ANO3: variants seen among roughly 807,000 people sequenced by gnomAD.
ANO3 encodes anoctamin 3.
In ANO3, 99 loss-of-function variants were observed where a neutral mutation model predicts 144.8. That is an observed-to-expected ratio of 0.68 (90% CI 0.58 to 0.81). The LOEUF (loss-of-function observed/expected upper bound fraction) is 0.81, where lower values mean the gene tolerates loss of function less well. ANO3 is among the 30% of genes least tolerant of loss of function. The pLI is 0.00. For missense variants in ANO3, 905 were observed against 1,202.2 expected, an observed-to-expected ratio of 0.75 and a Z score of 3.66; for synonymous variants, 414 against 392.6, an observed-to-expected ratio of 1.05 and a Z score of -0.64.
At chr11:26,328,979 T>A (rs971852740), upstream of ANO3, among the ~76,000 whole-genome samples, 21 of 152,250 alleles carry the variant, frequency 1.4e-4, no homozygotes, top group African/African-American at 4.8e-4. Context: ...GAGTCAAGAC[T>A]GTACTGTGTA....
At chr11:26,321,979 T>C (rs1324894632) in intron 1 of ANO3, among the ~76,000 whole-genome samples, 1 of 152,084 alleles carries the variant, frequency 6.6e-6, no homozygotes, top group African/African-American at 2.4e-5. Flanking sequence ...ACAGTGTTCA[T>C]GGTTCCATTC....
chr11:26,554,114 T>C (rs1368849809), intron 13 of ANO3, among the ~76,000 whole-genome samples: 1 of 152,146 alleles, frequency 6.6e-6, no homozygotes. Flanking sequence ...CCCTGTGCTC[T>C]AGCAGCCACC....
intron 3 of ANO3, among the ~76,000 whole-genome samples, chr11:26,450,718 T>C (rs544902839): frequency 6.6e-6 from 1 of 152,302 alleles, no homozygotes; most frequent in African/African-American, 2.4e-5. Flanking sequence ...AGAATTGTAG[T>C]GAAAGCTGTT....
In ANO3 at chr11:26,601,874, T is replaced by G. The variant is rs372980843; in HGVS notation, c.1836+2160T>G. Among the ~76,000 whole-genome samples the G allele has an allele frequency of 5.3e-5, 8 of 152,158 alleles. No homozygotes were observed. The East Asian group carries it at 7.7e-4, about 15-fold the overall frequency. On this transcript the variant is annotated intron_variant, in intron 17 of 26. Coordinates refer to ENST00000256737, the MANE Select transcript of ANO3 (RefSeq NM_031418.4). ...AAATTGACTCATTTCTTATCGTAAG[T>G]AGGTTGGTTGACAAAAAAATTAATA...
At chr11:26,655,197 T>C (rs374009471) in intron 24 of ANO3, among the ~76,000 whole-genome samples, 1 of 152,242 alleles carries the variant, frequency 6.6e-6, no homozygotes, top group Non-Finnish European at 1.5e-5. Context: ...TGAGAAAACA[T>C]CCAGGCATTT....
intron 6 of ANO3, among the ~76,000 whole-genome samples, chr11:26,518,378 C>T (rs1861940648): frequency 6.6e-6 from 1 of 151,990 alleles, no homozygotes; most frequent in African/African-American, 2.4e-5. Context: ...CAAAACCATG[C>T]AGAATAAAAA....
At chr11:26,425,759 G>A (rs948234367) in intron 1 of ANO3, among the ~76,000 whole-genome samples, 4 of 152,238 alleles carry the variant, frequency 2.6e-5, no homozygotes, top group South Asian at 2.1e-4. Flanking sequence ...GGTGGTGGAA[G>A]TAAATGTATC....
In ANO3 at chr11:26,553,364, A is replaced by T. The variant is rs1849994639; in HGVS notation, c.1386+19A>T. ...TGCCAAGGTGAGTGTGGACCCTCACATTCTCCTCCCTGAGCTGTACTGAGA... is the reference window on the plus strand; with the variant it reads ...TGCCAAGGTGAGTGTGGACCCTCACTTTCTCCTCCCTGAGCTGTACTGAGA... On this transcript the variant is annotated intron_variant, in intron 13 of 26. Coordinates refer to ENST00000256737, the MANE Select transcript of ANO3 (RefSeq NM_031418.4). 1.3e-6 allele frequency: 2 copies of T among 1,546,546 alleles called. No homozygotes were observed. The highest frequency in any genetic ancestry group is 2.3e-5 in the South Asian group (2 of 88,378).
intron 1 of ANO3, among the ~76,000 whole-genome samples, chr11:26,286,950 A>AT (rs1385240158): frequency 6.6e-6 from 1 of 152,172 alleles, no homozygotes. Flanking sequence ...AGACATTCAG[A>AT]TTTTTGCAGG....
intron 11 of ANO3, among the ~76,000 whole-genome samples, chr11:26,544,271 T>TACACAC (rs1269843589): frequency 2.7e-5 from 2 of 74,686 alleles, no homozygotes; most frequent in East Asian, 1.2e-3. Context: ...TATATATATA[T>TACACAC]ATACACACAT....
intron 1 of ANO3, among the ~76,000 whole-genome samples, chr11:26,405,595 T>G (rs975560691): frequency 2.0e-5 from 3 of 151,868 alleles, no homozygotes; most frequent in Non-Finnish European, 2.9e-5. Context: ...ATGTCATGCA[T>G]AACTGATTAT....
At chr11:26,350,979 T>C (rs772972915) in intron 1 of ANO3, among the ~76,000 whole-genome samples, 1 of 152,192 alleles carries the variant, frequency 6.6e-6, no homozygotes, top group East Asian at 1.9e-4. Context: ...TTGCCTGATA[T>C]GTAGGGAGAA....
intron 1 of ANO3, among the ~76,000 whole-genome samples, chr11:26,292,687 G>T: frequency 6.6e-6 from 1 of 152,170 alleles, no homozygotes; most frequent in Non-Finnish European, 1.5e-5. Context: ...CTGCAGGTCT[G>T]TTGGAGTTTG....
intron 4 of ANO3, among the ~76,000 whole-genome samples, chr11:26,485,484 C>T (rs1200528994): frequency 6.6e-6 from 1 of 152,100 alleles, no homozygotes; most frequent in Non-Finnish European, 1.5e-5. Context: ...CTGAGGCCTC[C>T]CGAGCCACGC....
At chr11:26,486,446 A>G (rs1860456756) in intron 4 of ANO3, among the ~76,000 whole-genome samples, 1 of 151,684 alleles carries the variant, frequency 6.6e-6, no homozygotes, top group Non-Finnish European at 1.5e-5. Context: ...TATATTGGCT[A>G]TAGCCATGTT....
chr11:26,622,036 T>A (rs1852430618), intron 17 of ANO3, among the ~76,000 whole-genome samples: 1 of 152,164 alleles, frequency 6.6e-6, no homozygotes, highest in Non-Finnish European at 1.5e-5. Flanking sequence ...TATATTTAAA[T>A]CATTATTTAT....
At chr11:26,452,696 C>G (rs183626747) in intron 3 of ANO3, among the ~76,000 whole-genome samples, 2 of 152,232 alleles carry the variant, frequency 1.3e-5, no homozygotes, top group African/African-American at 4.8e-5. Flanking sequence ...TCTAGCAAGG[C>G]AGGCCAAAAT....
chr11:26,401,922 C>T (rs149962350), intron 1 of ANO3, among the ~76,000 whole-genome samples: 57 of 151,972 alleles, frequency 3.8e-4, no homozygotes, highest in East Asian at 1.9e-3. Context: ...AATTATGATC[C>T]GACAGTAACA....
At chr11:26,192,515 T>G (rs1851497691) in intron 1 of ANO3, among the ~76,000 whole-genome samples, 1 of 152,232 alleles carries the variant, frequency 6.6e-6, no homozygotes, top group Admixed American at 6.5e-5. Context: ...AAGTGTTCCA[T>G]TGTTATCAAA....
Sources: gnomAD v4.1 joint callset for allele counts (sites outside exome capture counted in the v4.1 genomes callset) on GRCh38, gnomAD v4.1.1 for gene constraint, MANE v1.5 for transcripts, NCBI Gene and HGNC (gene_info 2026-07-23, HGNC 2026-07-21) for gene names.